The following SRPK1 variants were observed in gnomAD, a reference collection of about 807,000 sequenced individuals.
SRPK1 encodes the protein SRSF protein kinase 1.
In SRPK1, 52 loss-of-function variants were observed where a neutral mutation model predicts 89.5. That is an observed-to-expected ratio of 0.58 (90% CI 0.46 to 0.73). SRPK1 has a LOEUF of 0.73. Ranked by LOEUF, SRPK1 falls within the 30% of genes least tolerant of loss-of-function variation. SRPK1 has a pLI of 0.00. For missense variants in SRPK1, 603 were observed against 780.6 expected, an observed-to-expected ratio of 0.77 and a Z score of 2.71; for synonymous variants, 255 against 270.2, an observed-to-expected ratio of 0.94 and a Z score of 0.55.
At chr6:35,856,852 G>A (rs1769676280) in intron 13 of SRPK1, 1 of 156,808 alleles carries the variant, frequency 6.4e-6, no homozygotes. Context: ...TCACATCTTG[G>A]GAGCTGCAAA....
chr6:35,907,450 A>G (rs1328844993), intron 2 of SRPK1, among the ~76,000 whole-genome samples: 1 of 152,182 alleles, frequency 6.6e-6, no homozygotes, highest in African/African-American at 2.4e-5. Flanking sequence ...TCACACCTGT[A>G]ATCCCAGCAC....
At chr6:35,907,358 A>G (rs893378486) in intron 2 of SRPK1, among the ~76,000 whole-genome samples, 5 of 152,224 alleles carry the variant, frequency 3.3e-5, no homozygotes, top group African/African-American at 1.2e-4. Flanking sequence ...CTTTAAAAAA[A>G]TTAAGAGTCT....
At chr6:35,870,556 G>A in intron 9 of SRPK1, 62 bp from the exon 10 acceptor site, 1 of 1,431,766 alleles carries the variant, frequency 7.0e-7, no homozygotes, top group Non-Finnish European at 9.4e-7. Context: ...CCCAGTTGGA[G>A]ATAGTTGTTA....
chr6:35,920,213 G>C (rs537254687), intron 2 of SRPK1: 1 of 589,486 alleles, frequency 1.7e-6, no homozygotes, highest in Non-Finnish European at 3.2e-6. Context: ...GGGAGGAAAG[G>C]TACCGGGCGG....
rs1331443706 is a variant in SRPK1 at position 35,915,995 on chromosome 6, TATACACACAC to T, written c.74+4463_74+4472del. 6.8e-3 allele frequency among the ~76,000 whole-genome samples: 374 copies of T among 54,608 alleles called. 17 individuals carry two copies. Among genetic ancestry groups the T allele is most frequent in the African/African-American group, 0.024 (243 of 10,202 alleles). The allele number at this position is 54,608 out of a possible 152,430, so 35.8% of individuals were successfully genotyped here. A position where few individuals can be genotyped will look rare whatever the true frequency, so the allele number is the denominator to read the frequency against. ...TCAAAAACAAAAAAAAAAAAAAATA[TATACACACAC>T]ACACACACACACACACACACACACA... On this transcript the variant is annotated intron_variant, in intron 2 of 15. Coordinates refer to ENST00000373825, the MANE Select transcript of SRPK1 (RefSeq NM_003137.5).
intron 12 of SRPK1, among the ~76,000 whole-genome samples, chr6:35,867,811 C>T (rs538258603): frequency 2.0e-5 from 3 of 152,004 alleles, no homozygotes; most frequent in Admixed American, 6.6e-5. Flanking sequence ...AGCAAGACTC[C>T]GTCTCAAACA....
At chr6:35,920,715 A>C in intron 1 of SRPK1, 187 bp from the exon 2 acceptor site, 1 of 141,070 alleles carries the variant, frequency 7.1e-6, no homozygotes, top group Non-Finnish European at 1.2e-5. Flanking sequence ...CCCGGGCGGG[A>C]TGCGCCGGAG....
In SRPK1 at chr6:35,885,298, C is replaced by CACAGAGAGAG. The variant is rs1276672274; in HGVS notation, c.478+1425_478+1426insCTCTCTCTGT. ...ACACACACACACACACACACACACA[C>CACAGAGAGAG]AGAGAGAGAGAGAGAGAGAGAGAGA... On this transcript the variant is annotated intron_variant, in intron 6 of 15. Coordinates refer to ENST00000373825, the MANE Select transcript of SRPK1 (RefSeq NM_003137.5). Among the ~76,000 whole-genome samples, 45 of 113,182 alleles carry CACAGAGAGAG rather than the reference C, an allele frequency of 4.0e-4. No individual in the cohort carries two copies. In the East Asian group the frequency reaches 7.0e-3, roughly 18 times the overall value. 74.3% of individuals were successfully genotyped at this position (113,182 alleles called of 152,430 possible).
At position 35,869,334 on chromosome 6, in the gene SRPK1, A is replaced by G. The variant is rs142020698; in HGVS notation, c.1411+148T>C. The G allele has an allele frequency of 1.2e-3, 1,209 of 1,028,584 alleles. 10 individuals carry two copies. The African/African-American group carries it at 0.017, about 14-fold the overall frequency. 63.7% of individuals were successfully genotyped at this position (1,028,584 alleles called of 1,614,324 possible). On this transcript the variant is annotated intron_variant, in intron 11 of 15. Coordinates refer to ENST00000373825, the MANE Select transcript of SRPK1 (RefSeq NM_003137.5). ...GCTGTGTACTCAGTACATGATGGAT[A>G]AAGTTAGCTACAGATTACAATTTAA...
rs1284213787 is a variant in SRPK1, at chr6:35,921,051, C to T, written c.6G>A (p.Glu2=). 4 of 1,542,320 alleles carry T rather than the reference C, an allele frequency of 2.6e-6. No homozygotes were observed. The highest frequency in any genetic ancestry group is 3.5e-6 in the Non-Finnish European group (4 of 1,146,562). ...GGCCGCTCCACCGCTCACCTTTCCGCTCCATGGTGAGACCGGTAATCGCCA... is the reference window on the plus strand; with the variant it reads ...GGCCGCTCCACCGCTCACCTTTCCGTTCCATGGTGAGACCGGTAATCGCCA... M[E]RKVLALQARK... The change falls in exon 1 of 16, where the codon GAG becomes GAA. Residue 2 remains glutamate, a synonymous_variant. Transcript: ENST00000373825.
chr6:35,900,645 G>A (rs145489018), intron 2 of SRPK1, among the ~76,000 whole-genome samples: 11 of 152,302 alleles, frequency 7.2e-5, no homozygotes, highest in Admixed American at 2.0e-4. Context: ...AGGCTATGAA[G>A]AGAGCTATAG....
chr6:35,908,257 G>A lies in SRPK1; in HGVS notation c.74+12211C>T, dbSNP rs186625127. On this transcript the variant is annotated intron_variant, in intron 2 of 15. Transcript: ENST00000373825. The stretch of plus-strand genomic sequence containing the variant: ...AGAGGTTGGAACAGTTTGGAGGAGG[G>A]CTCAGAAGAAAACAGTAAGATGTAG... Among the ~76,000 whole-genome samples the A allele has an allele frequency of 9.9e-4, 151 of 152,326 alleles. 1 individual carries two copies. Among genetic ancestry groups the A allele is most frequent in the African/African-American group, 3.4e-3 (142 of 41,554 alleles).
chr6:35,869,763 T>C lies in SRPK1; in HGVS notation c.1130A>G (p.Lys377Arg), dbSNP rs757203756. ...GTCATTAGCATTATGTAGATCCTCT[T>C]TATGTCTCAATGTTTCATTATTACT... ...QNSNNETLRH[K>R]EDLHNANDCD... The change falls in exon 11 of 16, where the codon AAA becomes AGA. Residue 377 changes from lysine (K) to arginine (R), a missense_variant. Transcript: ENST00000373825. 6.2e-7 allele frequency: 1 copy of C among 1,613,972 alleles called. No homozygotes were observed. Among genetic ancestry groups the C allele is most frequent in the Non-Finnish European group, 8.5e-7 (1 of 1,179,856 alleles).
intron 15 of SRPK1, among the ~76,000 whole-genome samples, chr6:35,836,321 C>CA (rs1769179531): frequency 1.3e-5 from 2 of 152,130 alleles, no homozygotes; most frequent in African/African-American, 4.8e-5. Context: ...CTGTCTTCCA[C>CA]AAAACCAGTC....
At chr6:35,886,579 ATG>A (rs1453496842) in intron 6 of SRPK1, 143 bp downstream of exon 6, 2 of 627,184 alleles carry the variant, frequency 3.2e-6, no homozygotes, top group East Asian at 5.8e-5. Context: ...CAAAATTCAG[ATG>A]TGTGTTCAGA....
intron 2 of SRPK1, among the ~76,000 whole-genome samples, chr6:35,897,070 TGA>T (rs1770641038): frequency 6.6e-6 from 1 of 152,298 alleles, no homozygotes; most frequent in Non-Finnish European, 1.5e-5. Context: ...CGAGTAATGG[TGA>T]GTGACTACTA....
chr6:35,882,164 C>T (rs367610986), intron 6 of SRPK1, among the ~76,000 whole-genome samples: 11 of 134,628 alleles, frequency 8.2e-5, no homozygotes, highest in Admixed American at 2.2e-4. Context: ...GTAGTAGTAG[C>T]AGCAGCAGCA....
At chr6:35,882,385 T>G (rs750485396) in intron 6 of SRPK1, among the ~76,000 whole-genome samples, 3 of 152,092 alleles carry the variant, frequency 2.0e-5, no homozygotes, top group Non-Finnish European at 4.4e-5. Flanking sequence ...GGCACTATCA[T>G]AGCTCACTGC....
chr6:35,869,771 C>G lies in SRPK1; in HGVS notation c.1122G>C (p.Leu374Phe). 6.2e-7 allele frequency: 1 copy of G among 1,613,848 alleles called. No individual in the cohort carries two copies. Among genetic ancestry groups the G allele is most frequent in the Non-Finnish European group, 8.5e-7 (1 of 1,179,816 alleles). Residue 374 changes from leucine (L) to phenylalanine (F), a missense_variant, in exon 11 of 16, where the codon TTG becomes TTC. Coordinates refer to ENST00000373825, the MANE Select transcript of SRPK1 (RefSeq NM_003137.5). Reference sequence around the variant, plus strand: ...CATTATGTAGATCCTCTTTATGTCTCAATGTTTCATTATTACTGTTCTGAG... The same window carrying G: ...CATTATGTAGATCCTCTTTATGTCTGAATGTTTCATTATTACTGTTCTGAG... ...NYTQNSNNET[L>F]RHKEDLHNAN... is the part of the protein sequence containing the mutation.
Sources: gnomAD v4.1 joint callset for allele counts (sites outside exome capture counted in the v4.1 genomes callset) on GRCh38, gnomAD v4.1.1 for gene constraint, MANE v1.5 for transcripts, NCBI Gene and HGNC (gene_info 2026-07-23, HGNC 2026-07-21) for gene names.